The following CTNNA2 variants were observed in gnomAD, a reference collection of about 807,000 sequenced individuals.
CTNNA2 encodes the protein catenin alpha-2.
CTNNA2 carries 42 observed loss-of-function variants against 101.0 expected under a neutral mutation model. The ratio of observed to expected loss-of-function variants is 0.42; its 90% CI spans 0.32 to 0.54. CTNNA2 has a LOEUF of 0.54. CTNNA2 is among the 20% of genes least tolerant of loss of function. The probability of loss-of-function intolerance (pLI) is 0.14; values close to 1 mark genes in which losing one functional copy is unlikely to be tolerated. For missense variants in CTNNA2, 871 were observed against 1,223.1 expected (o/e 0.71, Z 4.29); for synonymous variants, 450 against 456.4 (o/e 0.99, Z 0.18).
intron 3 of CTNNA2, among the ~76,000 whole-genome samples, chr2:79,340,581 C>A (rs1677106770): frequency 6.6e-6 from 1 of 152,092 alleles, no homozygotes; most frequent in African/African-American, 2.4e-5. Context: ...CGCCTGTAAT[C>A]CCAGCACTTT....
chr2:80,519,863 T>G (rs939569096), intron 9 of CTNNA2, among the ~76,000 whole-genome samples: 3 of 152,138 alleles, frequency 2.0e-5, no homozygotes, highest in Non-Finnish European at 4.4e-5. Flanking sequence ...AATGGCCAGG[T>G]GTCCTCACTT....
chr2:79,737,233 C>G (rs1048936333), intron 2 of CTNNA2, among the ~76,000 whole-genome samples: 1 of 151,894 alleles, frequency 6.6e-6, no homozygotes, highest in African/African-American at 2.4e-5. Context: ...CCTGTAATCC[C>G]AGCTACTCGG....
rs565673492 is a variant in CTNNA2, at chr2:79,675,578, T to C, written c.102+23920T>C. On this transcript the variant is annotated intron_variant, in intron 2 of 18. Coordinates refer to ENST00000402739, the MANE Select transcript of CTNNA2 (RefSeq NM_001282597.3). ...ACGCAGTTTTAACTACATAAAATTT[T>C]ATTTTCTAATTATTTTTAAGCATTT... Among the ~76,000 whole-genome samples, 13 of 152,330 alleles carry C rather than the reference T, an allele frequency of 8.5e-5. No individual in the cohort carries two copies. In the South Asian group the frequency reaches 2.7e-3, roughly 32 times the overall value.
chr2:79,353,564 G>A (rs546867282), intron 3 of CTNNA2, among the ~76,000 whole-genome samples: 1 of 152,122 alleles, frequency 6.6e-6, no homozygotes, highest in African/African-American at 2.4e-5. Flanking sequence ...GAGTGTCATT[G>A]CATGTGGAAT....
At chr2:79,843,372 A>G (rs1262198350) in intron 3 of CTNNA2, among the ~76,000 whole-genome samples, 2 of 152,212 alleles carry the variant, frequency 1.3e-5, no homozygotes, top group African/African-American at 4.8e-5. Context: ...CCGGTAATGG[A>G]TGCATGCTGG....
intron 7 of CTNNA2, among the ~76,000 whole-genome samples, chr2:80,142,962 A>G (rs1703106950): frequency 6.6e-6 from 1 of 151,998 alleles, no homozygotes; most frequent in Non-Finnish European, 1.5e-5. Context: ...AAGGGGCTTT[A>G]CTGGCCTAAC....
chr2:80,472,285 T>A (rs1286635287), intron 9 of CTNNA2, among the ~76,000 whole-genome samples: 2 of 152,160 alleles, frequency 1.3e-5, no homozygotes, highest in Non-Finnish European at 2.9e-5. Context: ...AAAAGGACTA[T>A]ATTTCACAGA....
intron 7 of CTNNA2, among the ~76,000 whole-genome samples, chr2:80,009,424 G>C (rs1190280622): frequency 1.3e-5 from 2 of 152,070 alleles, no homozygotes; most frequent in Non-Finnish European, 2.9e-5. Flanking sequence ...GCAAGTCATT[G>C]GGAAGATTTG....
intron 9 of CTNNA2, among the ~76,000 whole-genome samples, chr2:80,528,387 G>A (rs557912562): frequency 1.2e-4 from 18 of 152,118 alleles, no homozygotes; most frequent in Admixed American, 1.0e-3. Flanking sequence ...TAGTAGGGAT[G>A]GGGTTTCACC....
rs904619494 is a variant in CTNNA2, at chr2:80,320,534, G to A, written c.1057-72677G>A. ...AACAGACCATTTGAATTCACCCCCC[G>A]ATGATTGCCATGTGGAGAAACCCTT... On this transcript the variant is annotated intron_variant, in intron 7 of 18. Transcript: ENST00000402739. 4.6e-5 allele frequency among the ~76,000 whole-genome samples: 7 copies of A among 152,106 alleles called. No individual in the cohort carries two copies. The East Asian group carries it at 5.8e-4, about 13-fold the overall frequency.
intron 7 of CTNNA2, among the ~76,000 whole-genome samples, chr2:80,228,191 A>G (rs1341898551): frequency 1.3e-5 from 2 of 152,210 alleles, no homozygotes; most frequent in Non-Finnish European, 2.9e-5. Context: ...GGCTGCCATA[A>G]TAAAATATCT....
intron 3 of CTNNA2, among the ~76,000 whole-genome samples, chr2:79,849,265 A>G (rs1026052357): frequency 1.3e-5 from 2 of 151,438 alleles, no homozygotes; most frequent in African/African-American, 4.9e-5. Flanking sequence ...ATATTTACAT[A>G]GTTTTGGTAT....
intron 7 of CTNNA2, among the ~76,000 whole-genome samples, chr2:79,971,569 C>T (rs1690487990): frequency 6.6e-6 from 1 of 152,052 alleles, no homozygotes; most frequent in Admixed American, 6.6e-5. Context: ...TATAATTATC[C>T]CCCTTTTCAG....
intron 2 of CTNNA2, among the ~76,000 whole-genome samples, chr2:79,739,964 C>T (rs1296095234): frequency 1.3e-5 from 2 of 152,136 alleles, no homozygotes; most frequent in Non-Finnish European, 2.9e-5. Flanking sequence ...GATTACTGAT[C>T]TTTAGTATAT....
chr2:79,665,530 GTC>G (rs1269885090), intron 2 of CTNNA2, among the ~76,000 whole-genome samples: 2 of 152,198 alleles, frequency 1.3e-5, no homozygotes, highest in African/African-American at 4.8e-5. Flanking sequence ...AAATGGGACT[GTC>G]TCTTGTTTCC....
intron 1 of CTNNA2, among the ~76,000 whole-genome samples, chr2:79,589,534 A>G (rs1676710730): frequency 6.6e-6 from 1 of 152,030 alleles, no homozygotes; most frequent in South Asian, 2.1e-4. Flanking sequence ...TATTGAGAAG[A>G]TCTGTTTAAG....
chr2:79,717,363 A>G (rs544875633), intron 2 of CTNNA2, among the ~76,000 whole-genome samples: 7 of 152,110 alleles, frequency 4.6e-5, no homozygotes, highest in South Asian at 4.1e-4. Context: ...ACTTTTAATC[A>G]CTGTGAAGAA....
chr2:80,285,112 G>T (rs2149166894), intron 7 of CTNNA2, among the ~76,000 whole-genome samples: 1 of 152,146 alleles, frequency 6.6e-6, no homozygotes, highest in East Asian at 1.9e-4. Context: ...CCGTCCAGCT[G>T]GTCAGCCATG....
chr2:79,233,814 C>T (rs913116965), intron 2 of CTNNA2, among the ~76,000 whole-genome samples: 1 of 151,828 alleles, frequency 6.6e-6, no homozygotes, highest in Non-Finnish European at 1.5e-5. Context: ...GCCATTGTTT[C>T]TTCTTTCTGA....
Sources: gnomAD v4.1 joint callset for allele counts (sites outside exome capture counted in the v4.1 genomes callset) on GRCh38, gnomAD v4.1.1 for gene constraint, MANE v1.5 for transcripts, NCBI Gene and HGNC (gene_info 2026-07-23, HGNC 2026-07-21) for gene names.